The following VLDLR variants were observed in gnomAD, a reference collection of about 807,000 sequenced individuals.
VLDLR encodes very low density lipoprotein receptor, also known as very low-density lipoprotein receptor.
VLDLR carries 81 observed loss-of-function variants against 112.7 expected under a neutral mutation model. The observed-to-expected ratio is 0.72, with a 90% confidence interval of 0.60 to 0.86. The LOEUF (loss-of-function observed/expected upper bound fraction) is 0.86, where lower values mean the gene tolerates loss of function less well. Ranked by LOEUF, VLDLR falls within the 40% of genes least tolerant of loss-of-function variation. The probability of loss-of-function intolerance (pLI) is 0.00; values close to 1 mark genes in which losing one functional copy is unlikely to be tolerated. For synonymous variants in VLDLR, 436 were observed against 384.8 expected (o/e 1.13, Z -1.56); for missense variants, 1,237 against 1,099.4 (o/e 1.13, Z -1.77).
At chr9:2,625,555 A>G (rs1817054612) in intron 1 of VLDLR, among the ~76,000 whole-genome samples, 1 of 152,230 alleles carries the variant, frequency 6.6e-6, no homozygotes, top group Non-Finnish European at 1.5e-5. Context: ...CCTATAAGAA[A>G]TTAAATGTAT....
intron 15 of VLDLR, among the ~76,000 whole-genome samples, chr9:2,650,984 C>G (rs1025000484): frequency 5.3e-5 from 8 of 152,142 alleles, no homozygotes; most frequent in African/African-American, 1.4e-4. Flanking sequence ...TTTGTGTGAT[C>G]AAGGAGCTTG....
chr9:2,633,363 A>T (rs1232929099), intron 1 of VLDLR, among the ~76,000 whole-genome samples: 1 of 152,142 alleles, frequency 6.6e-6, no homozygotes, highest in Non-Finnish European at 1.5e-5. Context: ...AGTAAATATC[A>T]GCCTTGGGAT....
At chr9:2,637,606 T>C (rs1484753144) in intron 2 of VLDLR, among the ~76,000 whole-genome samples, 1 of 151,566 alleles carries the variant, frequency 6.6e-6, no homozygotes, top group Non-Finnish European at 1.5e-5. Flanking sequence ...CACTGTGGTA[T>C]ACAGCCAATC....
chr9:2,656,710 A>C lies in VLDLR; in HGVS notation c.*2842A>C, dbSNP rs1276044494. 6.6e-6 allele frequency: 1 copy of C among 152,060 alleles called. No individual in the cohort carries two copies. The highest frequency in any genetic ancestry group is 1.5e-5 in the Non-Finnish European group (1 of 68,004). 9.4% of individuals were successfully genotyped at this position (152,060 alleles called of 1,614,324 possible). A position where few individuals can be genotyped will look rare whatever the true frequency, so the allele number is the denominator to read the frequency against. On this transcript the variant is annotated 3_prime_UTR_variant, in exon 19 of 19. Coordinates refer to ENST00000382100, the MANE Select transcript of VLDLR (RefSeq NM_003383.5). ...CACACAAAGTGAAAGTGGACCCTCC[A>C]GAAATTTTAGGAATTGCCACAAAGA... is the stretch of plus-strand genomic sequence containing the variant.
Position 2,622,260 on chromosome 9 carries a change from C to G in VLDLR, c.71C>G (p.Ala24Gly). The G allele has an allele frequency of 6.7e-7, 1 of 1,491,410 alleles. No individual in the cohort carries two copies. Among genetic ancestry groups the G allele is most frequent in the African/African-American group, 1.5e-5 (1 of 68,904 alleles). 92.4% of individuals were successfully genotyped at this position (1,491,410 alleles called of 1,614,324 possible). ...ALCWAPRESGATGTGRKAKCE... is the reference protein window; with the variant it reads ...ALCWAPRESGGTGTGRKAKCE... ...TGCTGGGCGCCCCGGGAGAGCGGCG[C>G]CACCGGAACCGGTGAGTGAGGACGC... The change falls in exon 1 of 19, where the codon GCC becomes GGC. Residue 24 changes from alanine (A) to glycine (G), a missense_variant. Physicochemically the swap from Ala to Gly is moderately conservative, Grantham distance 60 (BLOSUM62 0). Transcript: ENST00000382100.
Position 2,652,849 on chromosome 9 carries a change from G to T in VLDLR, c.2486G>T (p.Ser829Ile). Residue 829 changes from serine to isoleucine, a missense_variant, in exon 18 of 19, where the codon AGC (serine) becomes ATC (isoleucine). Ser to Ile is a moderately radical substitution (Grantham distance 142). Transcript: ENST00000382100. ...WRNWQHKNMK[S>I]MNFDNPVYLK... is the part of the protein sequence containing the mutation. ...AATTGGCAACACAAGAACATGAAAA[G>T]CATGAACTTTGACAATCCTGTGTAC... 1 of 1,614,092 alleles carries T rather than the reference G, an allele frequency of 6.2e-7. No individual in the cohort carries two copies. The highest frequency in any genetic ancestry group is 1.1e-5 in the South Asian group (1 of 91,078).
At chr9:2,623,705 T>C (rs151226243) in intron 1 of VLDLR, among the ~76,000 whole-genome samples, 14 of 152,302 alleles carry the variant, frequency 9.2e-5, no homozygotes, top group Non-Finnish European at 1.3e-4. Context: ...GTGGGCAGCA[T>C]GGGCAGTGTT....
chr9:2,641,339 AG>A, intron 3 of VLDLR, 37 bp from the exon 4 acceptor site: 1 of 1,613,564 alleles, frequency 6.2e-7, no homozygotes, highest in Non-Finnish European at 8.5e-7. Context: ...TGCATTGATC[AG>A]TTCTGAGGCT....
At chr9:2,647,114 C>T (rs915078434) in intron 11 of VLDLR, among the ~76,000 whole-genome samples, 6 of 151,584 alleles carry the variant, frequency 4.0e-5, no homozygotes, top group Admixed American at 1.3e-4. Context: ...TCACAACTGG[C>T]CCCCGTGCAG....
chr9:2,626,378 C>A (rs184453427), intron 1 of VLDLR, among the ~76,000 whole-genome samples: 1 of 152,176 alleles, frequency 6.6e-6, no homozygotes, highest in Non-Finnish European at 1.5e-5. Flanking sequence ...TCCACACTTA[C>A]GGCATCATGT....
Position 2,621,877 on chromosome 9 carries a change from T to G in VLDLR, c.-313T>G, listed in dbSNP as rs1356559956. ...CTTCTGCTCTCGGCTCCCCACCCCC[T>G]CTCCCTTCCCTCCTCTCCCCTTGCC... On this transcript the variant is annotated 5_prime_UTR_variant, in exon 1 of 19. Transcript: ENST00000382100. 1 of 570,822 alleles carries G rather than the reference T, an allele frequency of 1.8e-6. No homozygotes were observed. The highest frequency in any genetic ancestry group is 2.2e-5 in the Admixed American group (1 of 45,198). 35.4% of individuals were successfully genotyped at this position (570,822 alleles called of 1,614,324 possible).
chr9:2,628,422 C>G (rs540648130), intron 1 of VLDLR, among the ~76,000 whole-genome samples: 2 of 152,298 alleles, frequency 1.3e-5, no homozygotes, highest in African/African-American at 4.8e-5. Flanking sequence ...AGTGGGTCCC[C>G]TTTGAGCTGT....
At chr9:2,636,161 C>G (rs7035616) in intron 2 of VLDLR, among the ~76,000 whole-genome samples, 1 of 151,988 alleles carries the variant, frequency 6.6e-6, no homozygotes, top group Non-Finnish European at 1.5e-5. Context: ...TAAAAGATCA[C>G]TGTGAGAAAT....
rs915318442 is a variant in VLDLR, at chr9:2,657,185, T to C, written c.*3317T>C. On this transcript the variant is annotated 3_prime_UTR_variant, in exon 19 of 19. Transcript: ENST00000382100. The stretch of plus-strand genomic sequence containing the variant: ...ACCTAAAGATTCTAGGGGTCACTTA[T>C]CTCTATTACGTAATCTAACTGGAAT... 1.2e-4 allele frequency: 19 copies of C among 152,162 alleles called. No individual in the cohort carries two copies. The highest frequency in any genetic ancestry group is 2.2e-4 in the Non-Finnish European group (15 of 68,030). 9.4% of individuals were successfully genotyped at this position (152,162 alleles called of 1,614,324 possible).
chr9:2,648,747 C>G lies in VLDLR; in HGVS notation c.2041C>G (p.Leu681Val), dbSNP rs79720897. ...ATTCACTGGATCAGAGCTAGCCACT[C>G]TAGTCAACAACCTGAATGATGCCCA... ...NKFTGSELAT[L>V]VNNLNDAQDI... is the part of the protein sequence containing the mutation. Residue 681 changes from leucine to valine, a missense_variant, in exon 14 of 19, where the codon CTA becomes GTA. Transcript: ENST00000382100. 3.1e-6 allele frequency: 5 copies of G among 1,614,166 alleles called. No homozygotes were observed. Among genetic ancestry groups the G allele is most frequent in the Non-Finnish European group, 4.2e-6 (5 of 1,180,028 alleles).
intron 1 of VLDLR, 132 bp downstream of exon 1, chr9:2,622,403 TCC>T: frequency 1.3e-6 from 1 of 764,634 alleles, no homozygotes; most frequent in Non-Finnish European, 1.9e-6. Flanking sequence ...CTTCCCTCCC[TCC>T]CCTCCGTGGT....
rs748580464 is a variant in VLDLR at position 2,643,634 on chromosome 9, G to A, written c.827G>A (p.Arg276Gln). 44 of 1,614,052 alleles carry A rather than the reference G, an allele frequency of 2.7e-5. No homozygotes were observed. The highest frequency in any genetic ancestry group is 6.6e-5 in the South Asian group (6 of 91,086). The change falls in exon 6 of 19, where the codon CGA (arginine) becomes CAA (glutamine). Residue 276 changes from arginine (R) to glutamine (Q), a missense_variant. Arg to Gln is a conservative substitution (Grantham distance 43). Coordinates refer to ENST00000382100, the MANE Select transcript of VLDLR (RefSeq NM_003383.5). ...GTGTTTCCTCCCTTTGTAGCCTCTCGAACTTGCCGACCTGACCAATTTGAA... is the reference window on the plus strand; with the variant it reads ...GTGTTTCCTCCCTTTGTAGCCTCTCAAACTTGCCGACCTGACCAATTTGAA... Reference protein sequence around the residue: ...DGSDEVNCPSRTCRPDQFECE... With the variant: ...DGSDEVNCPSQTCRPDQFECE...
chr9:2,631,700 GA>G (rs5895988), intron 1 of VLDLR, among the ~76,000 whole-genome samples: 68,023 of 151,838 alleles, frequency 0.45, 15,679 homozygotes, highest in East Asian at 0.64. Context: ...GTGGGTTAAA[GA>G]ATACAAACCT....
chr9:2,650,247 TA>T, intron 14 of VLDLR, 122 bp from the exon 15 acceptor site: 1 of 1,173,446 alleles, frequency 8.5e-7, no homozygotes, highest in Non-Finnish European at 1.2e-6. Flanking sequence ...CTTGAAGGAT[TA>T]GCAGAGTAGA....
Sources: gnomAD v4.1 joint callset for allele counts (sites outside exome capture counted in the v4.1 genomes callset) on GRCh38, gnomAD v4.1.1 for gene constraint, MANE v1.5 for transcripts, NCBI Gene and HGNC (gene_info 2026-07-23, HGNC 2026-07-21) for gene names.